The following PLCB1 variants were observed in gnomAD, a reference collection of about 807,000 sequenced individuals.
The protein encoded by PLCB1 is phospholipase C beta 1.
PLCB1 carries 46 observed loss-of-function variants against 161.8 expected under a neutral mutation model. That is an observed-to-expected ratio of 0.28 (90% CI 0.22 to 0.36). The LOEUF is 0.36. Among genes scored for constraint, PLCB1 ranks in the 10% least tolerant of loss-of-function variants. The pLI, the probability that PLCB1 is intolerant of heterozygous loss-of-function variation, is 1.00. For missense variants in PLCB1, 1,016 were observed against 1,472.5 expected (o/e 0.69, Z 5.07); for synonymous variants, 517 against 503.7 (o/e 1.03, Z -0.35).
intron 2 of PLCB1, among the ~76,000 whole-genome samples, chr20:8,158,379 A>T (rs1019085520): frequency 6.6e-6 from 1 of 152,276 alleles, no homozygotes; most frequent in African/African-American, 2.4e-5. Flanking sequence ...GTCCATTTTC[A>T]TGCTGCTGAT....
chr20:8,826,283 C>G (rs769515460), intron 31 of PLCB1, among the ~76,000 whole-genome samples: 16 of 151,980 alleles, frequency 1.1e-4, no homozygotes, highest in Non-Finnish European at 2.9e-5. Context: ...ATCACGAGGT[C>G]AGGAGATCGA....
At chr20:8,543,636 C>G (rs944950781) in intron 3 of PLCB1, among the ~76,000 whole-genome samples, 10 of 95,486 alleles carry the variant, frequency 1.0e-4, no homozygotes, top group African/African-American at 3.9e-4. Flanking sequence ...AAAAAAAAAA[C>G]CTGTTGGACA....
intron 31 of PLCB1, among the ~76,000 whole-genome samples, chr20:8,815,351 A>C (rs1479759690): frequency 2.6e-5 from 4 of 152,172 alleles, no homozygotes; most frequent in African/African-American, 4.8e-5. Context: ...TTCTGGCAAT[A>C]TCTGGTGTTC....
chr20:8,709,636 G>A (rs1375602621), intron 12 of PLCB1, among the ~76,000 whole-genome samples: 2 of 152,148 alleles, frequency 1.3e-5, no homozygotes, highest in Non-Finnish European at 2.9e-5. Context: ...TTCTTAAAGA[G>A]TTCACTAGAT....
intron 3 of PLCB1, among the ~76,000 whole-genome samples, chr20:8,452,952 G>A (rs1779694731): frequency 6.6e-6 from 1 of 152,184 alleles, no homozygotes. Flanking sequence ...TACACCAGCT[G>A]ACATGGATGC....
At chr20:8,797,970 G>T (rs1984108722) in intron 31 of PLCB1, among the ~76,000 whole-genome samples, 1 of 152,200 alleles carries the variant, frequency 6.6e-6, no homozygotes, top group Non-Finnish European at 1.5e-5. Flanking sequence ...AAGACAGCAG[G>T]ATCACTTGAG....
intron 26 of PLCB1, among the ~76,000 whole-genome samples, chr20:8,771,176 A>C (rs1451336682): frequency 2.0e-5 from 3 of 152,204 alleles, no homozygotes; most frequent in Admixed American, 6.5e-5. Context: ...CCAGATATCT[A>C]AGACTTCACT....
chr20:8,379,507 G>A (rs1345335988), intron 3 of PLCB1, among the ~76,000 whole-genome samples: 1 of 152,080 alleles, frequency 6.6e-6, no homozygotes, highest in African/African-American at 2.4e-5. Flanking sequence ...TCTGGTTCTA[G>A]ATCCATGAGG....
At chr20:8,811,269 G>A (rs1477766126) in intron 31 of PLCB1, among the ~76,000 whole-genome samples, 1 of 152,192 alleles carries the variant, frequency 6.6e-6, no homozygotes, top group Non-Finnish European at 1.5e-5. Context: ...AGGAACAGGA[G>A]ACAGCTTATC....
chr20:8,750,657 T>G (rs1011638887), intron 23 of PLCB1: 3 of 362,324 alleles, frequency 8.3e-6, no homozygotes, highest in African/African-American at 6.4e-5. Context: ...CTGAATTTCT[T>G]AGAAATATGA....
intron 26 of PLCB1, among the ~76,000 whole-genome samples, chr20:8,767,089 A>G (rs1281869796): frequency 6.6e-6 from 1 of 152,198 alleles, no homozygotes; most frequent in Non-Finnish European, 1.5e-5. Flanking sequence ...AATGAAACTC[A>G]TGCTGTTACC....
chr20:8,593,782 G>C (rs141156661), intron 3 of PLCB1, among the ~76,000 whole-genome samples: 1 of 151,914 alleles, frequency 6.6e-6, no homozygotes, highest in Non-Finnish European at 1.5e-5. Flanking sequence ...ACTTTGCCTT[G>C]CATGTTTTGT....
At chr20:8,232,603 T>C (rs546428345) in intron 2 of PLCB1, among the ~76,000 whole-genome samples, 1 of 152,268 alleles carries the variant, frequency 6.6e-6, no homozygotes, top group Admixed American at 6.5e-5. Flanking sequence ...TTTGCTCTTC[T>C]TCTATCTGGA....
At chr20:8,239,740 T>C (rs1980509299) in intron 2 of PLCB1, among the ~76,000 whole-genome samples, 1 of 151,972 alleles carries the variant, frequency 6.6e-6, no homozygotes, top group Admixed American at 6.6e-5. Context: ...ACACAAAGAA[T>C]AGCATTTTAT....
intron 2 of PLCB1, among the ~76,000 whole-genome samples, chr20:8,157,887 A>G (rs73605853): frequency 0.039 from 5,914 of 152,300 alleles, 389 homozygotes; most frequent in African/African-American, 0.13. Flanking sequence ...GGGCATAACA[A>G]CAGCAATGCT....
At chr20:8,474,122 A>G (rs965310803) in intron 3 of PLCB1, among the ~76,000 whole-genome samples, 2 of 152,210 alleles carry the variant, frequency 1.3e-5, no homozygotes, top group Admixed American at 1.3e-4. Context: ...GCAGGACATG[A>G]AGATGATTTT....
At chr20:8,439,765 T>A (rs1284689639) in intron 3 of PLCB1, among the ~76,000 whole-genome samples, 1 of 152,082 alleles carries the variant, frequency 6.6e-6, no homozygotes, top group African/African-American at 2.4e-5. Context: ...CTGGTTAGAT[T>A]TTTTTTTCAT....
chr20:8,618,678 G>A (rs934909635), intron 3 of PLCB1, among the ~76,000 whole-genome samples: 2 of 152,028 alleles, frequency 1.3e-5, no homozygotes, highest in African/African-American at 4.8e-5. Context: ...TGTTTTGATG[G>A]ATCAATAGTA....
In PLCB1 at chr20:8,248,151, G is replaced by A. The variant is rs539316557; in HGVS notation, c.177+97780G>A. 3.9e-5 allele frequency among the ~76,000 whole-genome samples: 6 copies of A among 151,982 alleles called. No individual in the cohort carries two copies. In the East Asian group the frequency reaches 1.2e-3, roughly 30 times the overall value. ...AAGACACATCTGGGTTCCATTTCAGGTGAAGTTCCAGCCTCTTCATGACCT... is the reference window on the plus strand; with the variant it reads ...AAGACACATCTGGGTTCCATTTCAGATGAAGTTCCAGCCTCTTCATGACCT... On this transcript the variant is annotated intron_variant, in intron 2 of 31. Coordinates refer to ENST00000338037, the MANE Select transcript of PLCB1 (RefSeq NM_015192.4).
Sources: gnomAD v4.1 joint callset for allele counts (sites outside exome capture counted in the v4.1 genomes callset) on GRCh38, gnomAD v4.1.1 for gene constraint, MANE v1.5 for transcripts, NCBI Gene and HGNC (gene_info 2026-07-23, HGNC 2026-07-21) for gene names.